Variants in DOP1A observed in about 807,000 individuals in gnomAD.
DOP1A encodes DOP1 leucine zipper like protein A.
DOP1A carries 90 observed loss-of-function variants against 267.6 expected under a neutral mutation model. The ratio of observed to expected loss-of-function variants is 0.34; its 90% CI spans 0.28 to 0.40. The LOEUF (loss-of-function observed/expected upper bound fraction) is 0.40, where lower values mean the gene tolerates loss of function less well. Among genes scored for constraint, DOP1A ranks in the 10% least tolerant of loss-of-function variants. The pLI is 1.00. For missense variants in DOP1A, 2,437 were observed against 2,900.4 expected (o/e 0.84, Z 3.67); for synonymous variants, 932 against 999.1 (o/e 0.93, Z 1.27).
chr6:83,148,019 A>C (rs1406379710), intron 26 of DOP1A, among the ~76,000 whole-genome samples: 1 of 152,220 alleles, frequency 6.6e-6, no homozygotes, highest in Non-Finnish European at 1.5e-5. Context: ...TAGGGAGTAC[A>C]TGACTGTGGT....
intron 1 of DOP1A, among the ~76,000 whole-genome samples, chr6:83,076,792 A>G (rs2127998488): frequency 6.6e-6 from 1 of 152,320 alleles, no homozygotes; most frequent in East Asian, 1.9e-4. Flanking sequence ...AGTTGAAAGC[A>G]GGATCTGGAA....
At chr6:83,134,153 A>G (rs1313841416) in intron 18 of DOP1A, 34 bp from the exon 19 acceptor site, 1 of 1,572,720 alleles carries the variant, frequency 6.4e-7, no homozygotes, top group Non-Finnish European at 8.7e-7. Context: ...TCAAGAGAGA[A>G]GAACATAATT....
At chr6:83,101,125 C>A (rs111313502) in intron 4 of DOP1A, among the ~76,000 whole-genome samples, 38 of 152,236 alleles carry the variant, frequency 2.5e-4, no homozygotes, top group African/African-American at 8.4e-4. Flanking sequence ...ACGCCATTCT[C>A]CTGCCTCAGC....
Position 83,155,879 on chromosome 6 carries a change from C to A in DOP1A, c.6452-72C>A. 2.0e-6 allele frequency: 3 copies of A among 1,528,754 alleles called. No individual in the cohort carries two copies. In the East Asian group the frequency reaches 6.8e-5, roughly 35 times the overall value. 94.7% of individuals were successfully genotyped at this position (1,528,754 alleles called of 1,614,324 possible). On this transcript the variant is annotated intron_variant, in intron 33 of 38. Coordinates refer to ENST00000349129, the MANE Select transcript of DOP1A (RefSeq NM_015018.4). ...GTTTTGGATGTCATAGAGCATCTAG[C>A]TATTTTAAAAAACAACAGAATAATC...
chr6:83,074,120 A>G (rs981721787), intron 1 of DOP1A, among the ~76,000 whole-genome samples: 2 of 152,202 alleles, frequency 1.3e-5, no homozygotes, highest in Non-Finnish European at 2.9e-5. Flanking sequence ...TATGCAGTAT[A>G]TACACAGCTC....
chr6:83,093,533 C>T (rs1399069330), intron 1 of DOP1A, among the ~76,000 whole-genome samples: 3 of 152,110 alleles, frequency 2.0e-5, no homozygotes, highest in Non-Finnish European at 2.9e-5. Flanking sequence ...AGACTCTCCC[C>T]AATAAAATGT....
At chr6:83,141,484 A>G (rs996083519) in intron 23 of DOP1A, among the ~76,000 whole-genome samples, 81 of 152,340 alleles carry the variant, frequency 5.3e-4, no homozygotes, top group African/African-American at 1.9e-3. Context: ...GAAGTGGGAA[A>G]AGGGTAAGGG....
intron 6 of DOP1A, among the ~76,000 whole-genome samples, chr6:83,110,691 A>C (rs190009755): frequency 1.3e-5 from 2 of 152,336 alleles, no homozygotes; most frequent in Admixed American, 1.3e-4. Flanking sequence ...GATTAACAAC[A>C]GAGGGCAAGC....
chr6:83,152,252 G>T, intron 29 of DOP1A, 36 bp from the exon 30 acceptor site: 1 of 1,262,312 alleles, frequency 7.9e-7, no homozygotes, highest in South Asian at 1.4e-5. Context: ...TTTTCAGTGG[G>T]AATTAGCCAT....
At chr6:83,106,780 C>A (rs1230857328) in intron 4 of DOP1A, among the ~76,000 whole-genome samples, 4 of 145,434 alleles carry the variant, frequency 2.8e-5, no homozygotes, top group Non-Finnish European at 6.0e-5. Flanking sequence ...TACACTTCAG[C>A]ATGGGCAACA....
At chr6:83,147,413 C>A in intron 26 of DOP1A, 122 bp downstream of exon 26, 1 of 420,552 alleles carries the variant, frequency 2.4e-6, no homozygotes, top group Non-Finnish European at 4.2e-6. Flanking sequence ...TCCTACAAAC[C>A]TAAAGACCTA....
chr6:83,141,777 G>T, intron 23 of DOP1A, 144 bp from the exon 24 acceptor site: 1 of 669,652 alleles, frequency 1.5e-6, no homozygotes, highest in Non-Finnish European at 2.3e-6. Context: ...AGCTCTTAAC[G>T]TTATTAAAGT....
chr6:83,158,438 T>G, intron 35 of DOP1A, 129 bp from the exon 36 acceptor site: 1 of 751,120 alleles, frequency 1.3e-6, no homozygotes. Flanking sequence ...AGAAACTAAG[T>G]ATAATTTAAA....
At position 83,161,437 on chromosome 6, in the gene DOP1A, A is replaced by G. The variant is rs189507862; in HGVS notation, c.6963-1353A>G. 1.3e-3 allele frequency among the ~76,000 whole-genome samples: 203 copies of G among 152,330 alleles called. 2 individuals are homozygous for G. Among genetic ancestry groups the G allele is most frequent in the African/African-American group, 4.7e-3 (197 of 41,582 alleles). ...ACTGTATATAAATTTAAAAGTATCC[A>G]TGTAACTAAAAGGTACTATAAAGTT... On this transcript the variant is annotated intron_variant, in intron 37 of 38. Coordinates refer to ENST00000349129, the MANE Select transcript of DOP1A (RefSeq NM_015018.4).
At chr6:83,106,003 AATG>A (rs1243336620) in intron 4 of DOP1A, among the ~76,000 whole-genome samples, 2 of 152,204 alleles carry the variant, frequency 1.3e-5, no homozygotes, top group Non-Finnish European at 2.9e-5. Flanking sequence ...TTATGGAGTA[AATG>A]ATACCATTGT....
At chr6:83,142,121 T>C (rs1442662539) in intron 24 of DOP1A, 75 bp downstream of exon 24, 1 of 1,539,734 alleles carries the variant, frequency 6.5e-7, no homozygotes, top group African/African-American at 1.4e-5. Context: ...TCTCCATATA[T>C]TGCAGTGGGG....
At chr6:83,130,602 G>T (rs1777865323) in intron 17 of DOP1A, among the ~76,000 whole-genome samples, 1 of 152,130 alleles carries the variant, frequency 6.6e-6, no homozygotes, top group Non-Finnish European at 1.5e-5. Flanking sequence ...GAGCAGGGGA[G>T]AAAGATAAGG....
intron 17 of DOP1A, 76 bp downstream of exon 17, chr6:83,130,473 A>G (rs1190210262): frequency 1.3e-6 from 2 of 1,509,882 alleles, no homozygotes; most frequent in Non-Finnish European, 1.8e-6. Context: ...TGCTTTAAGA[A>G]TTATTTTTTA....
intron 35 of DOP1A, 152 bp from the exon 36 acceptor site, chr6:83,158,415 C>A: frequency 1.5e-6 from 1 of 655,896 alleles, no homozygotes; most frequent in Non-Finnish European, 2.7e-6. Flanking sequence ...GCTAAATTTG[C>A]AGTTTTACCT....
Sources: allele counts gnomAD v4.1 joint callset (sites outside exome capture counted in the v4.1 genomes callset), GRCh38; gene constraint gnomAD v4.1.1; transcripts MANE v1.5; gene names NCBI Gene and HGNC (gene_info 2026-07-23, HGNC 2026-07-21).